The following TRMT10A variants were observed in gnomAD, a reference collection of about 807,000 sequenced individuals.
TRMT10A encodes tRNA methyltransferase 10A, also known as tRNA methyltransferase 10 homolog A.
A neutral mutation model predicts 40.4 loss-of-function variants in TRMT10A; 37 were observed. The ratio of observed to expected loss-of-function variants is 0.92; its 90% confidence interval spans 0.71 to 1.21. The LOEUF (loss-of-function observed/expected upper bound fraction) is 1.21, where lower values mean the gene tolerates loss of function less well. Ranked by LOEUF, TRMT10A falls within the 50% of genes most tolerant of loss-of-function variation. TRMT10A has a pLI of 0.00. For missense variants in TRMT10A, 388 were observed against 404.3 expected (o/e 0.96, Z 0.35); for synonymous variants, 103 against 134.1 (o/e 0.77, Z 1.60).
At position 99,563,973 on chromosome 4, in the gene TRMT10A, G is replaced by A. The variant is rs546481406; in HGVS notation, c.-84C>T. 3.7e-5 allele frequency: 47 copies of A among 1,276,244 alleles called. No homozygotes were observed. The highest frequency in any genetic ancestry group is 5.2e-5 in the Non-Finnish European group (47 of 911,820). 79.1% of individuals were successfully genotyped at this position (1,276,244 alleles called of 1,614,324 possible). On this transcript the variant is annotated 5_prime_UTR_variant, in exon 1 of 8. Transcript: ENST00000394876. ...AAAGAAAGCCTTTCTGGGTTGGCCT[G>A]GTTACGGCTCACGCTTCCTTCCACA... is the stretch of plus-strand genomic sequence containing the variant.
chr4:99,554,073 T>G, intron 5 of TRMT10A, 139 bp from the exon 6 acceptor site: 1 of 804,210 alleles, frequency 1.2e-6, no homozygotes, highest in South Asian at 1.8e-5. Flanking sequence ...TTACAATGCA[T>G]TATTTTGAAT....
At position 99,549,228 on chromosome 4, in the gene TRMT10A, A is replaced by C; in HGVS notation, c.880T>G (p.Ser294Ala). Residue 294 changes from serine (S) to alanine (A), a missense_variant, in exon 8 of 8, where the codon TCT becomes GCT. Transcript: ENST00000394876. ...GATCCACCTTCCTCCATCCTGACAGACTGATTGTCATGAGAAGCACTTTCA... is the reference window on the plus strand; with the variant it reads ...GATCCACCTTCCTCCATCCTGACAGCCTGATTGTCATGAGAAGCACTTTCA... Reference protein sequence around the residue: ...ACESASHDNQSVRMEEGGSDS... With the variant: ...ACESASHDNQAVRMEEGGSDS... The C allele has an allele frequency of 6.2e-7, 1 of 1,614,106 alleles. No homozygotes were observed. Among genetic ancestry groups the C allele is most frequent in the Non-Finnish European group, 8.5e-7 (1 of 1,180,002 alleles).
At chr4:99,556,590 C>T (rs527732152) in intron 4 of TRMT10A, among the ~76,000 whole-genome samples, 9 of 152,100 alleles carry the variant, frequency 5.9e-5, no homozygotes, top group African/African-American at 1.9e-4. Context: ...ATTCTAAACC[C>T]TGACACCTAT....
chr4:99,563,232 T>C (rs1184716017), intron 1 of TRMT10A: 1 of 152,430 alleles, frequency 6.6e-6, no homozygotes, highest in Non-Finnish European at 1.5e-5. Flanking sequence ...AAGGGGCAGA[T>C]GAAATTCTTT....
chr4:99,556,974 G>A (rs1368469798), intron 4 of TRMT10A, among the ~76,000 whole-genome samples: 19 of 152,194 alleles, frequency 1.2e-4, no homozygotes, highest in Non-Finnish European at 5.9e-5. Context: ...CAGATACCAC[G>A]ACATATGTCA....
chr4:99,562,940 G>A (rs1294065846), intron 1 of TRMT10A, among the ~76,000 whole-genome samples: 1 of 152,028 alleles, frequency 6.6e-6, no homozygotes, highest in African/African-American at 2.4e-5. Context: ...TCCTGCCTCA[G>A]CCCCCCCAGT....
chr4:99,556,253 A>G, intron 4 of TRMT10A, 33 bp from the exon 5 acceptor site: 3 of 1,562,040 alleles, frequency 1.9e-6, no homozygotes, highest in Non-Finnish European at 2.6e-6. Context: ...AGAAAAAGAG[A>G]ACAAATGACC....
Position 99,563,996 on chromosome 4 carries a change from A to T in TRMT10A, c.-107T>A. 1 of 1,444,232 alleles carries T rather than the reference A, an allele frequency of 6.9e-7. No individual in the cohort carries two copies. Among genetic ancestry groups the T allele is most frequent in the Non-Finnish European group, 9.4e-7 (1 of 1,064,712 alleles). The allele number at this position is 1,444,232 out of a possible 1,614,324, so 89.5% of individuals were successfully genotyped here. ...CTGGTTACGGCTCACGCTTCCTTCC[A>T]CAGAAACTTCAATTCCCAGAGGCAG... is the stretch of plus-strand genomic sequence containing the variant. On this transcript the variant is annotated 5_prime_UTR_variant, in exon 1 of 8. Coordinates refer to ENST00000394876, the MANE Select transcript of TRMT10A (RefSeq NM_001134665.3).
At chr4:99,560,882 G>A (rs1445126044) in intron 1 of TRMT10A, among the ~76,000 whole-genome samples, 1 of 151,906 alleles carries the variant, frequency 6.6e-6, no homozygotes, top group Non-Finnish European at 1.5e-5. Flanking sequence ...CTGTTTATCA[G>A]TGGCATCATT....
intron 6 of TRMT10A, among the ~76,000 whole-genome samples, chr4:99,552,897 G>A (rs1277935478): frequency 1.3e-5 from 2 of 151,878 alleles, no homozygotes; most frequent in East Asian, 1.9e-4. Context: ...GTGGGGGGGG[G>A]AGGCAGCAAA....
In TRMT10A at chr4:99,548,995, A is replaced by G; in HGVS notation, c.*93T>C. The G allele has an allele frequency of 7.5e-7, 1 of 1,327,428 alleles. No individual in the cohort carries two copies. The highest frequency in any genetic ancestry group is 2.2e-4 in the Middle Eastern group (1 of 4,584). 82.2% of individuals were successfully genotyped at this position (1,327,428 alleles called of 1,614,324 possible). A position where few individuals can be genotyped will look rare whatever the true frequency, so the allele number is the denominator to read the frequency against. Reference sequence around the variant, plus strand: ...GTTTTTAAAAATCACAACAGAAATAAGAGAAAATAAAATGTTCTTCCAATT... The same window carrying G: ...GTTTTTAAAAATCACAACAGAAATAGGAGAAAATAAAATGTTCTTCCAATT... On this transcript the variant is annotated 3_prime_UTR_variant, in exon 8 of 8. Coordinates refer to ENST00000394876, the MANE Select transcript of TRMT10A (RefSeq NM_001134665.3).
Position 99,547,064 on chromosome 4 carries a change from G to A in TRMT10A, c.*2024C>T, listed in dbSNP as rs963158871. 6.6e-6 allele frequency: 1 copy of A among 152,026 alleles called. No individual in the cohort carries two copies. The highest frequency in any genetic ancestry group is 1.5e-5 in the Non-Finnish European group (1 of 68,026). The allele number at this position is 152,026 out of a possible 1,614,324, so 9.4% of individuals were successfully genotyped here. A position where few individuals can be genotyped will look rare whatever the true frequency, so the allele number is the denominator to read the frequency against. On this transcript the variant is annotated 3_prime_UTR_variant, in exon 8 of 8. Transcript: ENST00000394876. The stretch of plus-strand genomic sequence containing the variant: ...CTTATTTGGAGACAGGGTCTTTGCG[G>A]ATGTAGTCAAGATGAGGTCATATTG...
chr4:99,549,546 T>G (rs905473118), intron 7 of TRMT10A, among the ~76,000 whole-genome samples, 190 bp from the exon 8 acceptor site: 26 of 152,278 alleles, frequency 1.7e-4, no homozygotes, highest in Middle Eastern at 3.4e-3. Flanking sequence ...TTACCTCCTA[T>G]CTAGCTTTTT....
chr4:99,562,637 T>C (rs1046645540), intron 1 of TRMT10A, among the ~76,000 whole-genome samples: 2 of 146,718 alleles, frequency 1.4e-5, no homozygotes, highest in Non-Finnish European at 3.0e-5. Context: ...GCGATTCTCC[T>C]GCCTCAGCCT....
chr4:99,553,876 T>C lies in TRMT10A; in HGVS notation c.554A>G (p.Tyr185Cys), dbSNP rs1476803675. The C allele has an allele frequency of 6.2e-7, 1 of 1,613,600 alleles. No homozygotes were observed. Among genetic ancestry groups the C allele is most frequent in the South Asian group, 1.1e-5 (1 of 91,074 alleles). ...TATATTAGGTGAATCTGACGTAAGGTAAATCAGGTCTTCTTTCTTTATGAG... is the reference window on the plus strand; with the variant it reads ...TATATTAGGTGAATCTGACGTAAGGCAAATCAGGTCTTCTTTCTTTATGAG... ...SELIKKEDLIYLTSDSPNILK... is the reference protein window; with the variant it reads ...SELIKKEDLICLTSDSPNILK... The change falls in exon 6 of 8, where the codon TAC becomes TGC. Residue 185 changes from tyrosine to cysteine, a missense_variant. Transcript: ENST00000394876.
At position 99,548,236 on chromosome 4, in the gene TRMT10A, G is replaced by C. The variant is rs896832774; in HGVS notation, c.*852C>G. On this transcript the variant is annotated 3_prime_UTR_variant, in exon 8 of 8. Transcript: ENST00000394876. ...GTATGCATATTCTTAGAGAAGAGGA[G>C]GCAGATGCACCTATAAACTTTATTC... 1.3e-5 allele frequency: 2 copies of C among 151,746 alleles called. No individual in the cohort carries two copies. Among genetic ancestry groups the C allele is most frequent in the Non-Finnish European group, 1.5e-5 (1 of 67,910 alleles). The allele number at this position is 151,746 out of a possible 1,614,324, so 9.4% of individuals were successfully genotyped here.
chr4:99,549,103 G>C lies in TRMT10A; in HGVS notation c.1005C>G (p.Asn335Lys), dbSNP rs1723856826. The C allele has an allele frequency of 1.2e-6, 2 of 1,613,856 alleles. No homozygotes were observed. Among genetic ancestry groups the C allele is most frequent in the African/African-American group, 2.7e-5 (2 of 74,902 alleles). Residue 335 changes from asparagine to lysine, a missense_variant, in exon 8 of 8, where the codon AAC (asparagine) becomes AAG (lysine). Physicochemically the swap from Asn to Lys is moderately conservative, Grantham distance 94. Transcript: ENST00000394876. ...DKENHTESTV[N>K]SLPH is the part of the protein sequence containing the mutation. Reference sequence around the variant, plus strand: ...CCAGGTAACATTAGTGTGGCAGAGAGTTCACTGTAGATTCAGTGTGATTTT... The same window carrying C: ...CCAGGTAACATTAGTGTGGCAGAGACTTCACTGTAGATTCAGTGTGATTTT...
chr4:99,547,263 A>G lies in TRMT10A; in HGVS notation c.*1825T>C, dbSNP rs569316044. 6.6e-6 allele frequency: 1 copy of G among 152,264 alleles called. No individual in the cohort carries two copies. The highest frequency in any genetic ancestry group is 6.5e-5 in the Admixed American group (1 of 15,286). The allele number at this position is 152,264 out of a possible 1,614,324, so 9.4% of individuals were successfully genotyped here. A position where few individuals can be genotyped will look rare whatever the true frequency, so the allele number is the denominator to read the frequency against. On this transcript the variant is annotated 3_prime_UTR_variant, in exon 8 of 8. Transcript: ENST00000394876. ...CTGGCAACCACCAAAAGCCAGGAAG[A>G]GGCTAGGAAGTATTCTTTCCTAGGG...
At chr4:99,554,547 C>T (rs1419784598) in intron 5 of TRMT10A, among the ~76,000 whole-genome samples, 1 of 151,598 alleles carries the variant, frequency 6.6e-6, no homozygotes, top group African/African-American at 2.4e-5. Flanking sequence ...ATGGTGAAAC[C>T]CTGTCTCTAC....
Sources: gnomAD v4.1 joint callset for allele counts (sites outside exome capture counted in the v4.1 genomes callset) on GRCh38, gnomAD v4.1.1 for gene constraint, MANE v1.5 for transcripts, NCBI Gene and HGNC (gene_info 2026-07-23, HGNC 2026-07-21) for gene names.